Variants in CACNA1I observed in about 807,000 individuals in gnomAD.
The protein encoded by CACNA1I is voltage-dependent T-type calcium channel subunit alpha-1I.
Under a neutral mutation model 201.6 loss-of-function variants are expected in CACNA1I, and 74 were observed. The ratio of observed to expected loss-of-function variants is 0.37; its 90% CI spans 0.30 to 0.45. The LOEUF is 0.45. Among genes scored for constraint, CACNA1I ranks in the 20% least tolerant of loss-of-function variants. The pLI is 1.00. For missense variants in CACNA1I, 2,346 were observed against 3,138.1 expected, an observed-to-expected ratio of 0.75 and a Z score of 6.03; for synonymous variants, 1,431 against 1,345.2, an observed-to-expected ratio of 1.06 and a Z score of -1.40.
Position 39,649,399 on chromosome 22 carries a change from A to C in CACNA1I, c.1568-102A>C, listed in dbSNP as rs2146430372. 1 of 1,243,756 alleles carries C rather than the reference A, an allele frequency of 8.0e-7. No individual in the cohort carries two copies. Among genetic ancestry groups the C allele is most frequent in the East Asian group, 2.8e-5 (1 of 35,760 alleles). 77.0% of individuals were successfully genotyped at this position (1,243,756 alleles called of 1,614,324 possible). ...CAGGCTGGGTCGGCTGGTTCCAGGC[A>C]GACCTGTGGGCCTGGGAGCCAAGCG... is the stretch of plus-strand genomic sequence containing the variant. On this transcript the variant is annotated intron_variant, in intron 9 of 36. Coordinates refer to ENST00000402142, the MANE Select transcript of CACNA1I (RefSeq NM_021096.4). This position sits in a 1 kb window ranked among gnomAD's most constrained non-coding sequence, Gnocchi z 7.3.
chr22:39,598,323 C>T, intron 2 of CACNA1I, 61 bp downstream of exon 2: 1 of 827,140 alleles, frequency 1.2e-6, no homozygotes, highest in East Asian at 2.7e-5. Flanking sequence ...CGGCCTATGC[C>T]CCGCCCACTC....
At chr22:39,641,256 T>C in intron 6 of CACNA1I, 74 bp downstream of exon 6, 1 of 1,322,024 alleles carries the variant, frequency 7.6e-7, no homozygotes, top group Non-Finnish European at 1.1e-6. Context: ...GGCTCTGTGC[T>C]AGGCATTTGC....
At chr22:39,577,468 C>T (rs73885275) in intron 1 of CACNA1I, among the ~76,000 whole-genome samples, 2,653 of 152,326 alleles carry the variant, frequency 0.017, 61 homozygotes, top group African/African-American at 0.06. Context: ...CATGGCCCCT[C>T]GAAGCCCAGT....
At chr22:39,581,467 C>G (rs1932545577) in intron 1 of CACNA1I, among the ~76,000 whole-genome samples, 1 of 152,166 alleles carries the variant, frequency 6.6e-6, no homozygotes, top group Non-Finnish European at 1.5e-5. Flanking sequence ...CTGCTCCCAG[C>G]AGCTGAGCCG....
rs112171045 is a variant in CACNA1I, at chr22:39,656,641, G to GGAATGAATGAAT, written c.1993-1490_1993-1479dup. 4.6e-3 allele frequency: 2,359 copies of GGAATGAATGAAT among 517,646 alleles called. 37 individuals are homozygous for GGAATGAATGAAT. Among genetic ancestry groups the GGAATGAATGAAT allele is most frequent in the African/African-American group, 0.04 (2,063 of 51,738 alleles). The allele number at this position is 517,646 out of a possible 1,614,324, so 32.1% of individuals were successfully genotyped here. ...CATTCAAATTTGTGGTAGCCATGCA[G>GGAATGAATGAAT]GAATGAATGAATGAATGAATGAATG... On this transcript the variant is annotated intron_variant, in intron 10 of 36. Coordinates refer to ENST00000402142, the MANE Select transcript of CACNA1I (RefSeq NM_021096.4).
Position 39,649,438 on chromosome 22 carries a change from G to C in CACNA1I, c.1568-63G>C, listed in dbSNP as rs899146095. On this transcript the variant is annotated intron_variant, in intron 9 of 36. Coordinates refer to ENST00000402142, the MANE Select transcript of CACNA1I (RefSeq NM_021096.4). The surrounding 1 kb of genome is among the most constrained non-coding windows in gnomAD (Gnocchi z 7.3). The stretch of plus-strand genomic sequence containing the variant: ...GGGAGCCAAGCGCACTCAGGGATGT[G>C]TCCCAGGGTGGATTGGGCCTGGTGT... 2.1e-6 allele frequency: 3 copies of C among 1,459,372 alleles called. No homozygotes were observed. The African/African-American group carries it at 4.3e-5, about 21-fold the overall frequency. 90.4% of individuals were successfully genotyped at this position (1,459,372 alleles called of 1,614,324 possible). A position where few individuals can be genotyped will look rare whatever the true frequency, so the allele number is the denominator to read the frequency against.
chr22:39,578,745 G>C (rs73422194), intron 1 of CACNA1I, among the ~76,000 whole-genome samples: 1 of 152,116 alleles, frequency 6.6e-6, no homozygotes, highest in South Asian at 2.1e-4. Context: ...CCTGGGAATC[G>C]GCTAACTGAG....
At chr22:39,571,148 C>T (rs745717629) in intron 1 of CACNA1I, 160 bp downstream of exon 1, 20 of 642,074 alleles carry the variant, frequency 3.1e-5, no homozygotes, top group Non-Finnish European at 5.5e-5. Context: ...GAGGGTGGGT[C>T]TGGGGAGACC....
At chr22:39,609,035 T>C (rs1384624835) in intron 3 of CACNA1I, among the ~76,000 whole-genome samples, 1 of 152,164 alleles carries the variant, frequency 6.6e-6, no homozygotes, top group Non-Finnish European at 1.5e-5. Context: ...TTTTCCAAAG[T>C]GCCCCATCAG....
intron 4 of CACNA1I, among the ~76,000 whole-genome samples, chr22:39,620,379 C>A (rs1933712210): frequency 6.6e-6 from 1 of 152,134 alleles, no homozygotes; most frequent in African/African-American, 2.4e-5. Context: ...ATCCACTCAT[C>A]CACCCATCCA....
chr22:39,656,062 C>T (rs956525572), intron 10 of CACNA1I, among the ~76,000 whole-genome samples: 3 of 152,176 alleles, frequency 2.0e-5, no homozygotes, highest in African/African-American at 7.2e-5. Context: ...TCCTCCCCAC[C>T]GAGGGTCCCT....
At chr22:39,673,918 C>A (rs757685290) in intron 28 of CACNA1I, 45 bp from the exon 29 acceptor site, 2 of 1,594,466 alleles carry the variant, frequency 1.3e-6, no homozygotes, top group Non-Finnish European at 8.6e-7. Context: ...ACACACGTCC[C>A]CACCGGCCTG....
In CACNA1I at chr22:39,649,944, G is replaced by T; in HGVS notation, c.1992+19G>T. 6.2e-7 allele frequency: 1 copy of T among 1,612,694 alleles called. No homozygotes were observed. The highest frequency in any genetic ancestry group is 8.5e-7 in the Non-Finnish European group (1 of 1,179,528). On this transcript the variant is annotated intron_variant, in intron 10 of 36. Coordinates refer to ENST00000402142, the MANE Select transcript of CACNA1I (RefSeq NM_021096.4). This position sits in a 1 kb window ranked among gnomAD's most constrained non-coding sequence, Gnocchi z 7.3. ...CGAGCAGGCCAGTGCAGCGCAGCCG[G>T]GCCGGGCCTGCGGGAGAGGTGTGAG...
Position 39,629,847 on chromosome 22 carries a change from C to G in CACNA1I, c.581-4718C>G, listed in dbSNP as rs947271768. Among the ~76,000 whole-genome samples the G allele has an allele frequency of 3.3e-5, 5 of 152,146 alleles. No homozygotes were observed. Among genetic ancestry groups the G allele is most frequent in the Non-Finnish European group, 7.4e-5 (5 of 68,018 alleles). ...GATCCTGCAGACTGTGCGGCTGATG[C>G]TCTCTCTCCTCTGCCCTGGCCCCCC... On this transcript the variant is annotated intron_variant, in intron 4 of 36. Transcript: ENST00000402142. The surrounding 1 kb of genome is among the most constrained non-coding windows in gnomAD (Gnocchi z 4.8).
chr22:39,668,705 G>C (rs1055372057), intron 24 of CACNA1I, among the ~76,000 whole-genome samples: 1 of 152,204 alleles, frequency 6.6e-6, no homozygotes, highest in African/African-American at 2.4e-5. Context: ...GGCTGAGCCA[G>C]CTGGTAGAGG....
chr22:39,648,756 C>T lies in CACNA1I; in HGVS notation c.1568-745C>T, dbSNP rs1934563727. ...AGGAAAACACAAAGAAGGCATTAAACCAAGCAGAGAGAGGCCTCTCTGACA... is the reference window on the plus strand; with the variant it reads ...AGGAAAACACAAAGAAGGCATTAAATCAAGCAGAGAGAGGCCTCTCTGACA... On this transcript the variant is annotated intron_variant, in intron 9 of 36. Transcript: ENST00000402142. The surrounding 1 kb of genome is among the most constrained non-coding windows in gnomAD (Gnocchi z 5.4). Among the ~76,000 whole-genome samples the T allele has an allele frequency of 6.6e-6, 1 of 152,072 alleles. No individual in the cohort carries two copies. Among genetic ancestry groups the T allele is most frequent in the Non-Finnish European group, 1.5e-5 (1 of 67,996 alleles).
chr22:39,578,919 G>A lies in CACNA1I; in HGVS notation c.236+7931G>A, dbSNP rs185750839. ...GCTCCTGCTGGGCACCACCTGTGAT[G>A]CCCTTCCCCATCGCCGTGGTTCTCA... On this transcript the variant is annotated intron_variant, in intron 1 of 36. Transcript: ENST00000402142. Among the ~76,000 whole-genome samples the A allele has an allele frequency of 2.0e-5, 3 of 152,188 alleles. No individual in the cohort carries two copies. The East Asian group carries it at 5.8e-4, about 29-fold the overall frequency.
intron 24 of CACNA1I, 23 bp downstream of exon 24, chr22:39,668,404 CA>C: frequency 6.6e-7 from 1 of 1,518,758 alleles, no homozygotes; most frequent in Non-Finnish European, 9.1e-7. Flanking sequence ...GGGACCAGGC[CA>C]AGCCTTGATG....
intron 1 of CACNA1I, chr22:39,587,699 G>A (rs774080512): frequency 9.1e-5 from 41 of 448,118 alleles, no homozygotes; most frequent in Non-Finnish European, 1.4e-4. Context: ...GCAGGTTGTT[G>A]TAAAGGTTCC....
Sources: allele counts gnomAD v4.1 joint callset (sites outside exome capture counted in the v4.1 genomes callset), GRCh38; gene constraint gnomAD v4.1.1; non-coding constraint Gnocchi (gnomAD v3.1); transcripts MANE v1.5; gene names NCBI Gene and HGNC (gene_info 2026-07-23, HGNC 2026-07-21).